Variants in PPARGC1A observed in about 807,000 individuals in gnomAD.
PPARGC1A encodes PPARG coactivator 1 alpha.
A neutral mutation model predicts 88.7 loss-of-function variants in PPARGC1A; 25 were observed. That is an observed-to-expected ratio of 0.28 (90% confidence interval 0.21 to 0.39). PPARGC1A has a LOEUF of 0.39. Among genes scored for constraint, PPARGC1A ranks in the 10% least tolerant of loss-of-function variants. The pLI is 1.00. For synonymous variants in PPARGC1A, 363 were observed against 355.6 expected (o/e 1.02, Z -0.24); for missense variants, 880 against 968.7 (o/e 0.91, Z 1.22).
At chr4:24,134,218 G>A in the PPARGC1A span, among the ~76,000 whole-genome samples, 1 of 152,216 alleles carries the variant, frequency 6.6e-6, no homozygotes, top group East Asian at 1.9e-4. Context: ...GCCAAGTGGA[G>A]TTATCAGAAT....
At chr4:24,308,534 G>A in the PPARGC1A span, among the ~76,000 whole-genome samples, 2 of 152,022 alleles carry the variant, frequency 1.3e-5, no homozygotes, top group East Asian at 3.9e-4. Context: ...TTTACCTAGA[G>A]TTCATCTCAG....
chr4:24,075,161 T>C, the PPARGC1A span, among the ~76,000 whole-genome samples: 1 of 152,190 alleles, frequency 6.6e-6, no homozygotes, highest in African/African-American at 2.4e-5. Context: ...ACAGGGCTTG[T>C]CATCATGTGT....
intron 12 of PPARGC1A, among the ~76,000 whole-genome samples, chr4:23,797,142 A>G (rs892126228): frequency 6.6e-6 from 1 of 152,028 alleles, no homozygotes; most frequent in Non-Finnish European, 1.5e-5. Context: ...TTTTTCAGCA[A>G]GTTTTTTAAG....
chr4:24,467,330 G>C, the PPARGC1A span, among the ~76,000 whole-genome samples: 1 of 152,204 alleles, frequency 6.6e-6, no homozygotes, highest in Non-Finnish European at 1.5e-5. Flanking sequence ...TTTAAGGTAA[G>C]AACGTAGAAA....
the PPARGC1A span, among the ~76,000 whole-genome samples, chr4:24,170,869 G>A: frequency 7.9e-4 from 120 of 152,240 alleles, 1 homozygote; most frequent in South Asian, 0.015. Context: ...TTCCAAAGGC[G>A]TCATTGCCTC....
the PPARGC1A span, among the ~76,000 whole-genome samples, chr4:24,458,364 A>G: frequency 1.3e-5 from 2 of 152,060 alleles, no homozygotes; most frequent in African/African-American, 4.8e-5. Context: ...AGCTGAGTGT[A>G]GTGGCACACG....
intron 12 of PPARGC1A, among the ~76,000 whole-genome samples, chr4:23,800,116 T>A (rs1272014691): frequency 6.6e-6 from 1 of 152,198 alleles, no homozygotes; most frequent in Non-Finnish European, 1.5e-5. Flanking sequence ...AAGACATCCC[T>A]TCGTTGGACA....
chr4:24,331,764 A>ATT, the PPARGC1A span, among the ~76,000 whole-genome samples: 1 of 39,088 alleles, frequency 2.6e-5, no homozygotes, highest in East Asian at 5.0e-4. Context: ...CTCTGTGTTT[A>ATT]TTTTATATAT....
chr4:24,273,941 T>C, the PPARGC1A span, among the ~76,000 whole-genome samples: 2 of 151,730 alleles, frequency 1.3e-5, no homozygotes, highest in Admixed American at 1.3e-4. Context: ...TGTTTCACCA[T>C]GTTGGCCAGG....
At chr4:24,028,512 G>A in the PPARGC1A span, among the ~76,000 whole-genome samples, 2 of 152,158 alleles carry the variant, frequency 1.3e-5, no homozygotes, top group East Asian at 3.9e-4. Context: ...AAATGACAGA[G>A]AAAAGACTTG....
rs982570623 is a variant in PPARGC1A at position 23,794,362 on chromosome 4, G to A, written c.*1460C>T. 9.2e-5 allele frequency: 14 copies of A among 152,462 alleles called. No individual in the cohort carries two copies. The highest frequency in any genetic ancestry group is 1.5e-4 in the Non-Finnish European group (10 of 68,008). The allele number at this position is 152,462 out of a possible 1,614,324, so 9.4% of individuals were successfully genotyped here. Reference sequence around the variant, plus strand: ...TATAAAACTTCAAAGAAAAACAAGCGACAAGAAAATGTGGAAAAATATCGC... The same window carrying A: ...TATAAAACTTCAAAGAAAAACAAGCAACAAGAAAATGTGGAAAAATATCGC... On this transcript the variant is annotated 3_prime_UTR_variant, in exon 13 of 13. Transcript: ENST00000264867.
At chr4:24,094,309 C>T in the PPARGC1A span, among the ~76,000 whole-genome samples, 3 of 152,110 alleles carry the variant, frequency 2.0e-5, no homozygotes, top group South Asian at 6.2e-4. Flanking sequence ...CAGAGTTGTT[C>T]TGAAAATTAA....
At chr4:24,149,195 A>G in the PPARGC1A span, among the ~76,000 whole-genome samples, 1 of 152,364 alleles carries the variant, frequency 6.6e-6, no homozygotes, top group African/African-American at 2.4e-5. Context: ...AGAATTTTCT[A>G]TATGAGTACA....
chr4:23,949,155 A>G, the PPARGC1A span, among the ~76,000 whole-genome samples: 4 of 152,178 alleles, frequency 2.6e-5, no homozygotes, highest in Non-Finnish European at 5.9e-5. Flanking sequence ...AGATCAATTA[A>G]CAGACCACTC....
chr4:24,284,036 A>T, the PPARGC1A span, among the ~76,000 whole-genome samples: 2 of 150,722 alleles, frequency 1.3e-5, no homozygotes, highest in Non-Finnish European at 2.9e-5. Flanking sequence ...TCCCAGCAGC[A>T]CTCTGGGAGG....
chr4:23,929,026 T>G, the PPARGC1A span, among the ~76,000 whole-genome samples: 1 of 152,228 alleles, frequency 6.6e-6, no homozygotes, highest in East Asian at 1.9e-4. Flanking sequence ...TAATGCATGC[T>G]GGGCTTATTA....
chr4:24,304,281 A>G, the PPARGC1A span, among the ~76,000 whole-genome samples: 2 of 152,220 alleles, frequency 1.3e-5, no homozygotes, highest in Admixed American at 1.3e-4. Context: ...GACATTTCCA[A>G]TAAAAGGCCC....
chr4:24,242,216 T>G, the PPARGC1A span, among the ~76,000 whole-genome samples: 25 of 152,288 alleles, frequency 1.6e-4, no homozygotes, highest in African/African-American at 4.6e-4. Flanking sequence ...GGCTCTCACT[T>G]TTCCCACTCA....
chr4:24,437,595 T>C, the PPARGC1A span, among the ~76,000 whole-genome samples: 1 of 19,514 alleles, frequency 5.1e-5, no homozygotes, highest in African/African-American at 2.3e-4. Context: ...CACAGGTTTT[T>C]TGTTGTTGTT....
Sources: allele counts gnomAD v4.1 joint callset (sites outside exome capture counted in the v4.1 genomes callset), GRCh38; gene constraint gnomAD v4.1.1; transcripts MANE v1.5; gene names NCBI Gene and HGNC (gene_info 2026-07-23, HGNC 2026-07-21).